The following TMEM132D variants were observed in gnomAD, a reference collection of about 807,000 sequenced individuals.
TMEM132D encodes the protein mature OL transmembrane protein.
A neutral mutation model predicts 62.3 loss-of-function variants in TMEM132D; 21 were observed. That is an observed-to-expected ratio of 0.34 (90% CI 0.24 to 0.49). TMEM132D has a LOEUF of 0.49. TMEM132D is among the 20% of genes least tolerant of loss of function. The pLI is 0.99. For synonymous variants in TMEM132D, 621 were observed against 575.6 expected, an observed-to-expected ratio of 1.08 and a Z score of -1.13; for missense variants, 1,346 against 1,402.8, an observed-to-expected ratio of 0.96 and a Z score of 0.65.
intron 2 of TMEM132D, among the ~76,000 whole-genome samples, chr12:129,643,587 G>C (rs1423067835): frequency 3.9e-5 from 6 of 152,056 alleles, no homozygotes; most frequent in Admixed American, 2.6e-4. Context: ...AATCAATCTT[G>C]GGGCCCCCAA....
chr12:129,098,987 T>C (rs1875202177), intron 5 of TMEM132D, among the ~76,000 whole-genome samples: 4 of 152,134 alleles, frequency 2.6e-5, no homozygotes, highest in Non-Finnish European at 5.9e-5. Flanking sequence ...AAGAAAACAA[T>C]GGCCTCTGGT....
At chr12:129,158,692 G>A (rs1877313515) in intron 5 of TMEM132D, among the ~76,000 whole-genome samples, 1 of 151,958 alleles carries the variant, frequency 6.6e-6, no homozygotes, top group African/African-American at 2.4e-5. Context: ...AACACTGGAA[G>A]AGCACATTGG....
chr12:129,177,713 G>A (rs533870099), intron 5 of TMEM132D, among the ~76,000 whole-genome samples: 2 of 152,232 alleles, frequency 1.3e-5, no homozygotes, highest in Admixed American at 6.5e-5. Flanking sequence ...AGCTATGATC[G>A]CACCACTGCA....
intron 4 of TMEM132D, among the ~76,000 whole-genome samples, chr12:129,281,269 C>G (rs191636964): frequency 1.3e-5 from 2 of 152,270 alleles, no homozygotes. Flanking sequence ...ATCTTACCCC[C>G]ACTTCAGATT....
chr12:129,139,963 T>A (rs1027864252), intron 5 of TMEM132D, among the ~76,000 whole-genome samples: 2 of 151,880 alleles, frequency 1.3e-5, no homozygotes, highest in Non-Finnish European at 2.9e-5. Context: ...CTATCCTCCC[T>A]CCTCGGCCTC....
intron 3 of TMEM132D, among the ~76,000 whole-genome samples, chr12:129,405,076 G>A (rs1042407361): frequency 6.6e-6 from 1 of 152,128 alleles, no homozygotes; most frequent in African/African-American, 2.4e-5. Context: ...AACTTTAAAT[G>A]TATTTGTGTT....
chr12:129,889,963 A>G (rs1349688011), intron 1 of TMEM132D, among the ~76,000 whole-genome samples: 1 of 152,216 alleles, frequency 6.6e-6, no homozygotes, highest in Non-Finnish European at 1.5e-5. Flanking sequence ...ATCCTTTCCT[A>G]GAAGCCTCAT....
At chr12:129,725,245 T>A (rs1868988710) in intron 1 of TMEM132D, among the ~76,000 whole-genome samples, 2 of 152,210 alleles carry the variant, frequency 1.3e-5, no homozygotes, top group Non-Finnish European at 2.9e-5. Flanking sequence ...AAAAGTCAAT[T>A]TAAGGAAACA....
At chr12:129,452,870 T>C (rs1369475330) in intron 3 of TMEM132D, among the ~76,000 whole-genome samples, 1 of 152,200 alleles carries the variant, frequency 6.6e-6, no homozygotes, top group Non-Finnish European at 1.5e-5. Context: ...TTAAAAATTA[T>C]CTTTGTATCC....
intron 1 of TMEM132D, among the ~76,000 whole-genome samples, chr12:129,737,377 A>G (rs894669956): frequency 2.0e-5 from 3 of 152,158 alleles, no homozygotes; most frequent in Admixed American, 2.0e-4. Flanking sequence ...ATGTTTCCTA[A>G]TTAGTTGACA....
At chr12:129,121,919 G>A (rs966312209) in intron 5 of TMEM132D, among the ~76,000 whole-genome samples, 1 of 152,228 alleles carries the variant, frequency 6.6e-6, no homozygotes, top group Non-Finnish European at 1.5e-5. Flanking sequence ...GCTCCAGAGT[G>A]AGCCTTTGGC....
chr12:129,084,810 T>G, intron 5 of TMEM132D, 108 bp from the exon 6 acceptor site: 1 of 1,000,436 alleles, frequency 1.0e-6, no homozygotes, highest in Non-Finnish European at 1.5e-6. Context: ...GGTGCTTCCC[T>G]TTCCTCCCCT....
intron 2 of TMEM132D, among the ~76,000 whole-genome samples, chr12:129,585,945 A>C (rs1445773883): frequency 6.6e-6 from 1 of 152,118 alleles, no homozygotes; most frequent in African/African-American, 2.4e-5. Context: ...TAATAGAGAA[A>C]GATTCATCCT....
chr12:129,622,853 AT>A (rs1463247829), intron 2 of TMEM132D, among the ~76,000 whole-genome samples: 1 of 152,216 alleles, frequency 6.6e-6, no homozygotes, highest in Non-Finnish European at 1.5e-5. Context: ...ACATGGGCAA[AT>A]GAGCCAATCA....
intron 1 of TMEM132D, among the ~76,000 whole-genome samples, chr12:129,879,642 C>T (rs1390563339): frequency 2.0e-5 from 3 of 151,918 alleles, no homozygotes; most frequent in Non-Finnish European, 2.9e-5. Context: ...GGGAATTTGG[C>T]GATGCCATAG....
intron 2 of TMEM132D, among the ~76,000 whole-genome samples, chr12:129,533,263 G>A (rs906838060): frequency 8.5e-5 from 13 of 152,176 alleles, no homozygotes; most frequent in African/African-American, 2.7e-4. Flanking sequence ...GCATGCAGAC[G>A]CCAAAAAGCC....
At chr12:129,110,539 A>G (rs1875659404) in intron 5 of TMEM132D, 1 of 152,242 alleles carries the variant, frequency 6.6e-6, no homozygotes, top group Non-Finnish European at 1.5e-5. Flanking sequence ...TTAGAAAGCA[A>G]ACTATATTCC....
At chr12:129,832,780 A>G (rs1872883818) in intron 1 of TMEM132D, among the ~76,000 whole-genome samples, 1 of 152,168 alleles carries the variant, frequency 6.6e-6, no homozygotes, top group South Asian at 2.1e-4. Flanking sequence ...GGCTTTCTTT[A>G]TGGAGCCGTC....
chr12:129,232,554 A>G (rs557309635), intron 4 of TMEM132D, among the ~76,000 whole-genome samples: 12 of 152,244 alleles, frequency 7.9e-5, no homozygotes, highest in African/African-American at 2.9e-4. Context: ...AGTGCAGAGC[A>G]TGGCCTCATA....
Sources: allele counts gnomAD v4.1 joint callset (sites outside exome capture counted in the v4.1 genomes callset), GRCh38; gene constraint gnomAD v4.1.1; transcripts MANE v1.5; gene names NCBI Gene and HGNC (gene_info 2026-07-23, HGNC 2026-07-21).